FGGY: variants seen among roughly 807,000 people sequenced by gnomAD.
The protein encoded by FGGY is FGGY carbohydrate kinase domain-containing protein.
In FGGY, 72 loss-of-function variants were observed where a neutral mutation model predicts 71.3. That is an observed-to-expected ratio of 1.01 (90% CI 0.84 to 1.23). The LOEUF (loss-of-function observed/expected upper bound fraction) is 1.23, where lower values mean the gene tolerates loss of function less well. Ranked by LOEUF, FGGY falls within the 50% of genes most tolerant of loss-of-function variation. FGGY has a pLI of 0.00. For missense variants in FGGY, 668 were observed against 682.3 expected (o/e 0.98, Z 0.23); for synonymous variants, 251 against 250.3 (o/e 1.00, Z -0.02).
chr1:59,623,506 C>T (rs1189594765), intron 9 of FGGY, among the ~76,000 whole-genome samples: 1 of 152,158 alleles, frequency 6.6e-6, no homozygotes, highest in African/African-American at 2.4e-5. Flanking sequence ...TTCACTCATC[C>T]CACATTTATT....
At chr1:59,343,986 C>T (rs929935877) in intron 3 of FGGY, among the ~76,000 whole-genome samples, 1 of 152,098 alleles carries the variant, frequency 6.6e-6, no homozygotes, top group Non-Finnish European at 1.5e-5. Flanking sequence ...ACACCCACAT[C>T]CTGATTCATT....
In FGGY at chr1:59,626,056, G is replaced by A. The variant is rs1341281411; in HGVS notation, c.1073+7G>A. 2 of 1,612,264 alleles carry A rather than the reference G, an allele frequency of 1.2e-6. No homozygotes were observed. The highest frequency in any genetic ancestry group is 1.7e-5 in the Admixed American group (1 of 59,912). ...AAGTAAAGGCCACAGCCAGGTAACT[G>A]CTGTCTCTGTTCCCTCTAAAATTTT... On this transcript the variant is annotated splice_region_variant and intron_variant, in intron 10 of 15. Coordinates refer to ENST00000303721, the MANE Select transcript of FGGY (RefSeq NM_018291.5).
intron 6 of FGGY, among the ~76,000 whole-genome samples, chr1:59,460,169 A>T (rs1277352463): frequency 1.3e-5 from 2 of 152,174 alleles, no homozygotes; most frequent in African/African-American, 4.8e-5. Context: ...GACAGACTGT[A>T]TCTGGAAAAT....
chr1:59,751,887 G>C (rs1306671965), intron 14 of FGGY, among the ~76,000 whole-genome samples: 1 of 152,164 alleles, frequency 6.6e-6, no homozygotes, highest in East Asian at 1.9e-4. Context: ...CATTTTGTGA[G>C]GGTTAGTTTA....
chr1:59,652,468 C>G (rs1373917578), intron 11 of FGGY, among the ~76,000 whole-genome samples: 34 of 145,060 alleles, frequency 2.3e-4, no homozygotes, highest in African/African-American at 7.8e-4. Flanking sequence ...ATTCTTTTTT[C>G]TCTAAACTTC....
intron 5 of FGGY, among the ~76,000 whole-genome samples, chr1:59,399,854 T>C (rs2061734864): frequency 6.6e-6 from 1 of 152,236 alleles, no homozygotes; most frequent in Non-Finnish European, 1.5e-5. Flanking sequence ...ATGTGTACTT[T>C]CCATTCTGTT....
intron 6 of FGGY, among the ~76,000 whole-genome samples, chr1:59,495,268 C>T (rs1364226721): frequency 6.6e-6 from 1 of 152,096 alleles, no homozygotes; most frequent in East Asian, 1.9e-4. Flanking sequence ...ATATTTTCTC[C>T]TATTCTGTAG....
chr1:59,352,602 AC>A (rs1377278671), intron 4 of FGGY, among the ~76,000 whole-genome samples: 3 of 151,992 alleles, frequency 2.0e-5, no homozygotes, highest in African/African-American at 7.3e-5. Flanking sequence ...TTTGGGGGGA[AC>A]CTGGGGGTTT....
intron 5 of FGGY, among the ~76,000 whole-genome samples, chr1:59,424,417 C>T (rs1049435623): frequency 6.6e-6 from 1 of 152,158 alleles, no homozygotes; most frequent in Admixed American, 6.5e-5. Flanking sequence ...CGTGGTGGCA[C>T]ACGCCTGTAA....
intron 11 of FGGY, among the ~76,000 whole-genome samples, chr1:59,658,033 C>A (rs2097237883): frequency 6.6e-6 from 1 of 152,154 alleles, no homozygotes; most frequent in African/African-American, 2.4e-5. Flanking sequence ...TGAAAAGAAG[C>A]ATTGAATTGT....
intron 7 of FGGY, among the ~76,000 whole-genome samples, chr1:59,535,113 C>G (rs1264599923): frequency 6.6e-6 from 1 of 152,044 alleles, no homozygotes; most frequent in Non-Finnish European, 1.5e-5. Context: ...CACACATAGA[C>G]TCAAAATAAA....
intron 6 of FGGY, among the ~76,000 whole-genome samples, chr1:59,491,120 T>C (rs6678495): frequency 1.4e-5 from 1 of 70,326 alleles, no homozygotes; most frequent in Non-Finnish European, 2.6e-5. Context: ...CCTTCCCTCC[T>C]TCCTTCCTTC....
intron 4 of FGGY, among the ~76,000 whole-genome samples, chr1:59,370,861 G>T (rs997489860): frequency 6.6e-6 from 1 of 152,060 alleles, no homozygotes; most frequent in Non-Finnish European, 1.5e-5. Flanking sequence ...AATGCTGAGA[G>T]ATTTTGTCAC....
chr1:59,467,879 T>C (rs2092725782), intron 6 of FGGY, among the ~76,000 whole-genome samples: 1 of 150,866 alleles, frequency 6.6e-6, no homozygotes, highest in African/African-American at 2.4e-5. Context: ...TTCAATTGTT[T>C]CTTTCTTGTT....
intron 14 of FGGY, among the ~76,000 whole-genome samples, chr1:59,721,333 C>CTTTATTTTTTTTT (rs1193468922): frequency 1.5e-5 from 1 of 68,588 alleles, no homozygotes; most frequent in Non-Finnish European, 2.6e-5. Flanking sequence ...CTTTTCTTTC[C>CTTTATTTTTTTTT]TTTGTTTTTT....
At chr1:59,624,717 A>C (rs1043853639) in intron 9 of FGGY, among the ~76,000 whole-genome samples, 2 of 152,098 alleles carry the variant, frequency 1.3e-5, no homozygotes, top group Admixed American at 6.6e-5. Flanking sequence ...CCCTTATGAA[A>C]CCATCAAATC....
chr1:59,509,553 A>AC (rs2094470179), intron 6 of FGGY, among the ~76,000 whole-genome samples: 1 of 150,962 alleles, frequency 6.6e-6, no homozygotes, highest in Non-Finnish European at 1.5e-5. Flanking sequence ...TTCAACACCC[A>AC]CCCCCTACCA....
At chr1:59,466,782 A>C (rs1001168930) in intron 6 of FGGY, among the ~76,000 whole-genome samples, 5 of 152,242 alleles carry the variant, frequency 3.3e-5, no homozygotes, top group African/African-American at 1.2e-4. Flanking sequence ...TCATTAGATA[A>C]ATGCAAATCA....
chr1:59,302,285 G>A (rs1281500475), intron 1 of FGGY, among the ~76,000 whole-genome samples: 1 of 152,082 alleles, frequency 6.6e-6, no homozygotes, highest in African/African-American at 2.4e-5. Context: ...TGGCCTCGTA[G>A]AATGAATTAG....
Sources: gnomAD v4.1 joint callset for allele counts (sites outside exome capture counted in the v4.1 genomes callset) on GRCh38, gnomAD v4.1.1 for gene constraint, MANE v1.5 for transcripts, NCBI Gene and HGNC (gene_info 2026-07-23, HGNC 2026-07-21) for gene names.